The following NTN1 variants were observed in gnomAD, a reference collection of about 807,000 sequenced individuals.
The protein encoded by NTN1 is netrin-1.
In NTN1, 11 loss-of-function variants were observed where a neutral mutation model predicts 54.2. The ratio of observed to expected loss-of-function variants is 0.20; its 90% confidence interval spans 0.13 to 0.34. The LOEUF (loss-of-function observed/expected upper bound fraction) is 0.34, where lower values mean the gene tolerates loss of function less well. Among genes scored for constraint, NTN1 ranks in the 10% least tolerant of loss-of-function variants. The pLI, the probability that NTN1 is intolerant of heterozygous loss-of-function variation, is 1.00. For synonymous variants in NTN1, 371 were observed against 382.0 expected, an observed-to-expected ratio of 0.97 and a Z score of 0.33; for missense variants, 740 against 893.1, an observed-to-expected ratio of 0.83 and a Z score of 2.18.
intron 6 of NTN1, among the ~76,000 whole-genome samples, chr17:9,225,954 T>C (rs545081473): frequency 2.6e-4 from 39 of 152,230 alleles, no homozygotes; most frequent in African/African-American, 8.2e-4. Flanking sequence ...CTTGCCCTCG[T>C]GTGGCTGAAG....
intron 2 of NTN1, among the ~76,000 whole-genome samples, chr17:9,097,482 G>A (rs2092135683): frequency 6.6e-6 from 1 of 152,124 alleles, no homozygotes; most frequent in Admixed American, 6.6e-5. Context: ...AAAATTAGCT[G>A]GGTATATTGG....
intron 5 of NTN1, among the ~76,000 whole-genome samples, chr17:9,188,050 G>T (rs2092439040): frequency 6.6e-6 from 1 of 152,194 alleles, no homozygotes; most frequent in Non-Finnish European, 1.5e-5. Context: ...CTTTTTGGGT[G>T]ATGAAAACGT....
intron 2 of NTN1, among the ~76,000 whole-genome samples, chr17:9,134,182 C>A (rs1008168465): frequency 3.9e-5 from 6 of 152,184 alleles, no homozygotes; most frequent in African/African-American, 1.4e-4. Context: ...GGATTACAGG[C>A]ATGAGCCACC....
At chr17:9,098,966 A>C (rs1244532892) in intron 2 of NTN1, among the ~76,000 whole-genome samples, 1 of 152,200 alleles carries the variant, frequency 6.6e-6, no homozygotes, top group Non-Finnish European at 1.5e-5. Context: ...CTTCTGGTAT[A>C]TTTCCATTTT....
chr17:9,133,162 G>T, intron 2 of NTN1, among the ~76,000 whole-genome samples: 1 of 152,188 alleles, frequency 6.6e-6, no homozygotes, highest in South Asian at 2.1e-4. Context: ...TTCCCTGTCA[G>T]GGATCTCTGA....
At chr17:9,136,450 G>A (rs1278452541) in intron 2 of NTN1, among the ~76,000 whole-genome samples, 2 of 152,218 alleles carry the variant, frequency 1.3e-5, no homozygotes, top group South Asian at 2.1e-4. Context: ...AGTGGCATGC[G>A]CCTGTAATCC....
chr17:9,017,037 CAA>C (rs759323889), upstream of NTN1, among the ~76,000 whole-genome samples: 2 of 152,210 alleles, frequency 1.3e-5, no homozygotes, highest in Non-Finnish European at 2.9e-5. Flanking sequence ...TTCATTGAAA[CAA>C]GAGACACTTG....
intron 2 of NTN1, among the ~76,000 whole-genome samples, chr17:9,030,572 C>T (rs1462933193): frequency 6.6e-6 from 1 of 151,900 alleles, no homozygotes; most frequent in African/African-American, 2.4e-5. Context: ...CAGTGAAACC[C>T]CTTCTCTACT....
chr17:9,228,372 G>A (rs530446351), intron 6 of NTN1, among the ~76,000 whole-genome samples: 1 of 152,310 alleles, frequency 6.6e-6, no homozygotes, highest in South Asian at 2.1e-4. Flanking sequence ...GCAGTGTGGG[G>A]CCCAGGGAGG....
At chr17:9,044,563 TG>T (rs1340987558) in intron 2 of NTN1, among the ~76,000 whole-genome samples, 1 of 152,120 alleles carries the variant, frequency 6.6e-6, no homozygotes, top group African/African-American at 2.4e-5. Flanking sequence ...GTTTGGTTTT[TG>T]TTTGTTTTTT....
chr17:9,080,731 G>A (rs925270317), intron 2 of NTN1, among the ~76,000 whole-genome samples: 3 of 152,152 alleles, frequency 2.0e-5, no homozygotes, highest in African/African-American at 7.2e-5. Flanking sequence ...AAGGTTGAAG[G>A]TTGGGCTGAT....
At chr17:9,028,364 G>T (rs1218274707) in intron 2 of NTN1, among the ~76,000 whole-genome samples, 1 of 152,166 alleles carries the variant, frequency 6.6e-6, no homozygotes. Flanking sequence ...GAGGTTCTCT[G>T]CTGGGGTCCT....
chr17:9,153,992 A>C (rs1180386364), intron 2 of NTN1, among the ~76,000 whole-genome samples: 1 of 152,228 alleles, frequency 6.6e-6, no homozygotes, highest in Non-Finnish European at 1.5e-5. Context: ...AGGCATCCTC[A>C]ATGAGTGCAA....
the NTN1 span, among the ~76,000 whole-genome samples, chr17:9,013,204 T>TTTTTTA: frequency 7.5e-6 from 1 of 132,762 alleles, no homozygotes; most frequent in Non-Finnish European, 1.5e-5. Flanking sequence ...TCTTTTTTTC[T>TTTTTTA]TTTTTCTTTT....
chr17:9,192,993 T>A (rs1904503667), intron 5 of NTN1, among the ~76,000 whole-genome samples: 1 of 147,036 alleles, frequency 6.8e-6, no homozygotes, highest in Non-Finnish European at 1.5e-5. Context: ...GGCAGGAGAA[T>A]CACTTGAACC....
At chr17:9,134,890 T>TAGGACCCA (rs2092276348) in intron 2 of NTN1, among the ~76,000 whole-genome samples, 2 of 152,214 alleles carry the variant, frequency 1.3e-5, no homozygotes, top group Non-Finnish European at 2.9e-5. Context: ...GCCCTGCTTT[T>TAGGACCCA]GGTTCTGGGT....
chr17:9,042,549 G>A (rs895593342), intron 2 of NTN1, among the ~76,000 whole-genome samples: 1 of 151,686 alleles, frequency 6.6e-6, no homozygotes, highest in African/African-American at 2.4e-5. Context: ...ACCACTTTGG[G>A]AGGCCGAGGC....
the NTN1 span, among the ~76,000 whole-genome samples, chr17:9,012,669 C>T: frequency 6.6e-6 from 1 of 152,190 alleles, no homozygotes; most frequent in South Asian, 2.1e-4. Context: ...TCTACTGGAT[C>T]CTTCTTAGGG....
chr17:9,040,985 G>T (rs896608278), intron 2 of NTN1, among the ~76,000 whole-genome samples: 2 of 152,006 alleles, frequency 1.3e-5, no homozygotes, highest in Non-Finnish European at 2.9e-5. Context: ...ATTTTTTAAA[G>T]AAATTTTTGT....
Sources: gnomAD v4.1 joint callset for allele counts (sites outside exome capture counted in the v4.1 genomes callset) on GRCh38, gnomAD v4.1.1 for gene constraint, MANE v1.5 for transcripts, NCBI Gene and HGNC (gene_info 2026-07-23, HGNC 2026-07-21) for gene names.